Variants in GPHN observed in about 807,000 individuals in gnomAD.
The protein encoded by GPHN is gephyrin.
GPHN carries 17 observed loss-of-function variants against 95.5 expected under a neutral mutation model. That is an observed-to-expected ratio of 0.18 (90% CI 0.12 to 0.27). The LOEUF (loss-of-function observed/expected upper bound fraction) is 0.27, where lower values mean the gene tolerates loss of function less well. Ranked by LOEUF, GPHN falls within the 10% of genes least tolerant of loss-of-function variation. GPHN has a pLI of 1.00. For synonymous variants in GPHN, 320 were observed against 322.5 expected (o/e 0.99, Z 0.08); for missense variants, 660 against 978.1 (o/e 0.67, Z 4.34).
intron 2 of GPHN, among the ~76,000 whole-genome samples, chr14:66,699,657 T>TA: frequency 6.6e-6 from 1 of 152,320 alleles, no homozygotes; most frequent in African/African-American, 2.4e-5. Flanking sequence ...GCAAGACCAG[T>TA]AATGATCTGA....
At chr14:67,542,731 G>A in the GPHN span, among the ~76,000 whole-genome samples, 299 of 151,082 alleles carry the variant, frequency 2.0e-3, no homozygotes, top group African/African-American at 6.8e-3. Context: ...ATGGAGTTTC[G>A]CTCTTGTTGC....
At chr14:66,959,753 G>T (rs1221411786) in intron 8 of GPHN, among the ~76,000 whole-genome samples, 2 of 151,768 alleles carry the variant, frequency 1.3e-5, no homozygotes, top group South Asian at 4.1e-4. Context: ...TGAACTTCTT[G>T]TGTGCATTCA....
chr14:67,599,772 G>A, the GPHN span, among the ~76,000 whole-genome samples: 602 of 152,140 alleles, frequency 4.0e-3, 4 homozygotes, highest in African/African-American at 0.014. Context: ...GATGTATGCT[G>A]AGTGAACCCA....
the GPHN span, among the ~76,000 whole-genome samples, chr14:67,290,162 C>T: frequency 1.3e-5 from 2 of 152,002 alleles, no homozygotes; most frequent in Non-Finnish European, 2.9e-5. Context: ...TAATTTTAGT[C>T]AAAATCTCAA....
the GPHN span, among the ~76,000 whole-genome samples, chr14:67,429,035 A>T: frequency 7.2e-5 from 11 of 152,236 alleles, no homozygotes; most frequent in African/African-American, 2.6e-4. Flanking sequence ...AAGGCTCAAG[A>T]CCCGTATTCT....
At chr14:67,128,878 G>C (rs2079510948) in intron 17 of GPHN, among the ~76,000 whole-genome samples, 3 of 150,932 alleles carry the variant, frequency 2.0e-5, no homozygotes, top group South Asian at 4.2e-4. Flanking sequence ...GCAATGGTGC[G>C]ATCTCAGCTC....
At chr14:67,214,778 T>C in the GPHN span, among the ~76,000 whole-genome samples, 1 of 152,192 alleles carries the variant, frequency 6.6e-6, no homozygotes, top group African/African-American at 2.4e-5. Context: ...TTTCACGATA[T>C]TGATTCTTCC....
At chr14:67,120,906 G>A (rs2078979288) in intron 16 of GPHN, among the ~76,000 whole-genome samples, 1 of 152,182 alleles carries the variant, frequency 6.6e-6, no homozygotes, top group Admixed American at 6.5e-5. Flanking sequence ...GATGGTCACA[G>A]TTTTCCTGTA....
At chr14:66,563,142 G>A (rs955297428) in intron 1 of GPHN, among the ~76,000 whole-genome samples, 1 of 152,052 alleles carries the variant, frequency 6.6e-6, no homozygotes, top group African/African-American at 2.4e-5. Flanking sequence ...TATGAAATAA[G>A]TTTTAATGCT....
the GPHN span, among the ~76,000 whole-genome samples, chr14:67,409,199 T>C: frequency 0.017 from 2,571 of 152,026 alleles, 42 homozygotes; most frequent in Non-Finnish European, 0.028. Flanking sequence ...GCCTTGCTGA[T>C]GCCACTGTAC....
At chr14:66,707,198 G>A (rs2153419512) in intron 2 of GPHN, among the ~76,000 whole-genome samples, 1 of 152,222 alleles carries the variant, frequency 6.6e-6, no homozygotes, top group Admixed American at 6.5e-5. Flanking sequence ...AATAGGAATG[G>A]TTTTACACTG....
intron 1 of GPHN, among the ~76,000 whole-genome samples, chr14:66,570,899 C>T (rs1237735107): frequency 2.6e-5 from 4 of 152,066 alleles, no homozygotes; most frequent in Non-Finnish European, 5.9e-5. Context: ...ACCTGTTGGC[C>T]ATTTTTATGT....
chr14:67,626,253 CA>C, the GPHN span, among the ~76,000 whole-genome samples: 2 of 150,890 alleles, frequency 1.3e-5, no homozygotes, highest in East Asian at 3.9e-4. Context: ...GACTCTGTCT[CA>C]GGGGAAAAAA....
chr14:67,177,173 A>C (rs1567453827), intron 21 of GPHN, among the ~76,000 whole-genome samples: 1 of 152,070 alleles, frequency 6.6e-6, no homozygotes, highest in Admixed American at 6.6e-5. Flanking sequence ...TGATGTTAGG[A>C]TGTCGATTTT....
At chr14:67,725,361 T>A in the GPHN span, 3 of 1,176,538 alleles carry the variant, frequency 2.5e-6, no homozygotes, top group East Asian at 7.5e-5. Flanking sequence ...TCCACCCCAC[T>A]AGACAGGTTC....
At chr14:67,084,173 AT>A (rs2076799161) in intron 11 of GPHN, among the ~76,000 whole-genome samples, 2 of 152,232 alleles carry the variant, frequency 1.3e-5, no homozygotes, top group African/African-American at 4.8e-5. Flanking sequence ...TCTTATGCAA[AT>A]ATTAAGAGTA....
At chr14:67,274,940 T>C in the GPHN span, among the ~76,000 whole-genome samples, 1 of 152,324 alleles carries the variant, frequency 6.6e-6, no homozygotes, top group African/African-American at 2.4e-5. Context: ...TATTGGTGTA[T>C]AAGAATGCTT....
At chr14:66,999,911 A>G (rs1422877149) in intron 9 of GPHN, among the ~76,000 whole-genome samples, 1 of 151,854 alleles carries the variant, frequency 6.6e-6, no homozygotes, top group African/African-American at 2.4e-5. Context: ...AAATTAATAA[A>G]CATCCAAGTT....
chr14:67,155,364 T>G (rs966244243), intron 18 of GPHN, among the ~76,000 whole-genome samples: 3 of 152,214 alleles, frequency 2.0e-5, no homozygotes, highest in Non-Finnish European at 4.4e-5. Context: ...TTTTCATACC[T>G]GATATTTGGG....
Sources: gnomAD v4.1 joint callset for allele counts (sites outside exome capture counted in the v4.1 genomes callset) on GRCh38, gnomAD v4.1.1 for gene constraint, MANE v1.5 for transcripts, NCBI Gene and HGNC (gene_info 2026-07-23, HGNC 2026-07-21) for gene names.